Variants in FGF12 observed in about 807,000 individuals in gnomAD.
FGF12 encodes the protein fibroblast growth factor 12B.
In FGF12, 14 loss-of-function variants were observed where a neutral mutation model predicts 23.6. That is an observed-to-expected ratio of 0.59 (90% CI 0.39 to 0.93). The LOEUF is 0.93. Among genes scored for constraint, FGF12 ranks in the 40% least tolerant of loss-of-function variants. The probability of loss-of-function intolerance (pLI) is 0.00; values close to 1 mark genes in which losing one functional copy is unlikely to be tolerated. For synonymous variants in FGF12, 62 were observed against 77.3 expected, an observed-to-expected ratio of 0.80 and a Z score of 1.04; for missense variants, 175 against 217.8, an observed-to-expected ratio of 0.80 and a Z score of 1.24.
At chr3:192,620,195 C>CA (rs557646222) in intron 2 of FGF12, among the ~76,000 whole-genome samples, 6 of 151,876 alleles carry the variant, frequency 4.0e-5, no homozygotes, top group East Asian at 1.9e-4. Flanking sequence ...CCTGAATTCA[C>CA]AAAAAAAATT....
At chr3:192,181,533 T>C (rs1475131888) in intron 4 of FGF12, among the ~76,000 whole-genome samples, 3 of 152,068 alleles carry the variant, frequency 2.0e-5, no homozygotes, top group South Asian at 2.1e-4. Context: ...TCACAAAACA[T>C]GGATGCAAGC....
intron 4 of FGF12, among the ~76,000 whole-genome samples, chr3:192,264,171 A>G (rs4687305): frequency 0.33 from 50,051 of 151,868 alleles, 9,426 homozygotes; most frequent in East Asian, 0.89. Flanking sequence ...TTGTTTTCAT[A>G]TATCACCATA....
chr3:192,720,194 A>C (rs1391982134), intron 2 of FGF12, among the ~76,000 whole-genome samples: 1 of 152,260 alleles, frequency 6.6e-6, no homozygotes, highest in Non-Finnish European at 1.5e-5. Context: ...GAATGGCAGC[A>C]TGCCTTTACT....
chr3:192,674,769 T>C (rs1375601598), intron 2 of FGF12, among the ~76,000 whole-genome samples: 1 of 152,162 alleles, frequency 6.6e-6, no homozygotes, highest in Non-Finnish European at 1.5e-5. Context: ...GGAGAAATGC[T>C]TTTTCCCAAA....
At chr3:192,618,773 A>G (rs1289949439) in intron 2 of FGF12, among the ~76,000 whole-genome samples, 1 of 90,566 alleles carries the variant, frequency 1.1e-5, no homozygotes, top group Non-Finnish European at 3.0e-5. Context: ...TATAATACTA[A>G]AAAAAAAACA....
chr3:192,157,302 G>C (rs1714481350), intron 5 of FGF12, among the ~76,000 whole-genome samples: 1 of 152,164 alleles, frequency 6.6e-6, no homozygotes, highest in Admixed American at 6.5e-5. Flanking sequence ...CAAATACAAT[G>C]CAACACTTGG....
At chr3:192,708,804 A>C (rs745904220) in intron 2 of FGF12, among the ~76,000 whole-genome samples, 7 of 152,362 alleles carry the variant, frequency 4.6e-5, no homozygotes, top group Non-Finnish European at 8.8e-5. Flanking sequence ...CATTTGTGGA[A>C]ATAAAAAGTT....
At chr3:192,641,722 A>G (rs887977653) in intron 2 of FGF12, among the ~76,000 whole-genome samples, 4 of 152,158 alleles carry the variant, frequency 2.6e-5, no homozygotes, top group Admixed American at 6.5e-5. Context: ...TCACATTTTT[A>G]TATGGTTGAA....
intron 2 of FGF12, among the ~76,000 whole-genome samples, chr3:192,601,897 C>T (rs949086457): frequency 6.6e-6 from 1 of 151,678 alleles, no homozygotes; most frequent in Non-Finnish European, 1.5e-5. Flanking sequence ...TGTACATATT[C>T]AGTATAGACA....
chr3:192,366,179 A>C (rs145716389), intron 2 of FGF12, among the ~76,000 whole-genome samples: 74 of 152,132 alleles, frequency 4.9e-4, no homozygotes, highest in African/African-American at 1.6e-3. Flanking sequence ...AAGAAGGGAG[A>C]AGAGAGGAGA....
At chr3:192,523,370 C>T (rs1278222206) in intron 2 of FGF12, among the ~76,000 whole-genome samples, 2 of 152,148 alleles carry the variant, frequency 1.3e-5, no homozygotes, top group African/African-American at 4.8e-5. Flanking sequence ...ATCTGAGGTG[C>T]TACTCTTATT....
chr3:192,710,032 A>T (rs1480331186), intron 2 of FGF12, among the ~76,000 whole-genome samples: 1 of 152,220 alleles, frequency 6.6e-6, no homozygotes, highest in Non-Finnish European at 1.5e-5. Flanking sequence ...ACCTGTCTGG[A>T]GATGACCTTG....
At chr3:192,632,920 T>C (rs1357465942) in intron 2 of FGF12, among the ~76,000 whole-genome samples, 1 of 152,106 alleles carries the variant, frequency 6.6e-6, no homozygotes, top group Non-Finnish European at 1.5e-5. Flanking sequence ...TCTCCTAGCT[T>C]CCGGTGGTTG....
At chr3:192,376,033 C>T (rs1026262687) in intron 2 of FGF12, among the ~76,000 whole-genome samples, 13 of 152,056 alleles carry the variant, frequency 8.5e-5, no homozygotes, top group African/African-American at 2.4e-4. Context: ...TGGGAAAAGC[C>T]CATATGAATT....
intron 4 of FGF12, among the ~76,000 whole-genome samples, chr3:192,236,157 T>C (rs1369293658): frequency 6.6e-6 from 1 of 152,178 alleles, no homozygotes; most frequent in Admixed American, 6.5e-5. Flanking sequence ...TTCCATGTAA[T>C]TGTATGGTTT....
chr3:192,292,890 C>T (rs1008149478), intron 4 of FGF12, among the ~76,000 whole-genome samples: 2 of 152,170 alleles, frequency 1.3e-5, no homozygotes, highest in African/African-American at 2.4e-5. Context: ...GATCCTCCCA[C>T]TTCAGCCTCC....
intron 4 of FGF12, among the ~76,000 whole-genome samples, chr3:192,312,867 C>CTATAAAAGAATA (rs1716032460): frequency 6.6e-6 from 1 of 152,010 alleles, no homozygotes; most frequent in Admixed American, 6.6e-5. Context: ...ATAGTGTTTG[C>CTATAAAAGAATA]CTTTGTCTTC....
At chr3:192,578,030 G>T (rs1013839833) in intron 2 of FGF12, among the ~76,000 whole-genome samples, 1 of 152,144 alleles carries the variant, frequency 6.6e-6, no homozygotes. Flanking sequence ...TTGGCGGGGG[G>T]CAGGGTATCT....
rs1325095002 is a variant in FGF12 at position 192,158,382 on chromosome 3, C to CTTTCTTTCTTTCTTTCTT, written c.427+12075_427+12076insAAGAAAGAAAGAAAGAAA. Among the ~76,000 whole-genome samples the CTTTCTTTCTTTCTTTCTT allele has an allele frequency of 9.6e-4, 78 of 81,530 alleles. 1 individual carries two copies. The highest frequency in any genetic ancestry group is 4.2e-3 in the African/African-American group (73 of 17,504). 53.5% of individuals were successfully genotyped at this position (81,530 alleles called of 152,430 possible). Reference sequence around the variant, plus strand: ...TCTTTCTTTCTTTCTTTCTTTCTTTCTTTTCTTTCTCTCTCTTTCTTTTTC... The same window carrying CTTTCTTTCTTTCTTTCTT: ...TCTTTCTTTCTTTCTTTCTTTCTTTCTTTCTTTCTTTCTTTCTTTTTTCTTTCTCTCTCTTTCTTTTTC... On this transcript the variant is annotated intron_variant, in intron 5 of 5. Coordinates refer to ENST00000445105, the MANE Select transcript of FGF12 (RefSeq NM_004113.6).
Sources: allele counts gnomAD v4.1 joint callset (sites outside exome capture counted in the v4.1 genomes callset), GRCh38; gene constraint gnomAD v4.1.1; transcripts MANE v1.5; gene names NCBI Gene and HGNC (gene_info 2026-07-23, HGNC 2026-07-21).